Variants in CTIF observed in about 807,000 individuals in gnomAD.
CTIF encodes the protein CBP80/20-dependent translation initiation factor.
CTIF carries 21 observed loss-of-function variants against 66.0 expected under a neutral mutation model. The ratio of observed to expected loss-of-function variants is 0.32; its 90% CI spans 0.23 to 0.46. The LOEUF is 0.46. Ranked by LOEUF, CTIF falls within the 20% of genes least tolerant of loss-of-function variation. The pLI is 1.00. For missense variants in CTIF, 739 were observed against 812.7 expected, an observed-to-expected ratio of 0.91 and a Z score of 1.10; for synonymous variants, 345 against 326.4, an observed-to-expected ratio of 1.06 and a Z score of -0.62.
chr18:48,550,387 C>T (rs2088854119), intron 1 of CTIF, among the ~76,000 whole-genome samples: 1 of 152,224 alleles, frequency 6.6e-6, no homozygotes, highest in East Asian at 1.9e-4. Flanking sequence ...CTGTGGCCTG[C>T]ACATTCTGCA....
intron 1 of CTIF, among the ~76,000 whole-genome samples, chr18:48,551,970 T>A (rs1218021738): frequency 6.6e-6 from 1 of 152,032 alleles, no homozygotes; most frequent in Non-Finnish European, 1.5e-5. Flanking sequence ...GCTAATTATT[T>A]TTTTTGTATT....
chr18:48,675,148 T>C (rs1313969564), intron 6 of CTIF, among the ~76,000 whole-genome samples: 1 of 33,342 alleles, frequency 3.0e-5, no homozygotes, highest in East Asian at 0.083. Flanking sequence ...GTTGAAGCCA[T>C]AGGGCAGGCA....
chr18:48,651,579 T>C (rs1349358236), intron 3 of CTIF, among the ~76,000 whole-genome samples: 4 of 152,148 alleles, frequency 2.6e-5, no homozygotes, highest in Non-Finnish European at 5.9e-5. Flanking sequence ...TTAACAAGGA[T>C]ATCCAGGACT....
chr18:48,774,156 C>T (rs1186774614), intron 9 of CTIF, among the ~76,000 whole-genome samples: 1 of 152,146 alleles, frequency 6.6e-6, no homozygotes, highest in East Asian at 1.9e-4. Flanking sequence ...TACTCTGAGG[C>T]CAATCGGCAT....
chr18:48,757,844 C>T, intron 7 of CTIF, 75 bp from the exon 8 acceptor site: 1 of 1,526,344 alleles, frequency 6.6e-7, no homozygotes, highest in Non-Finnish European at 8.8e-7. Flanking sequence ...ACTTCCTGTT[C>T]TGGCGGCTGG....
intron 7 of CTIF, among the ~76,000 whole-genome samples, chr18:48,747,115 T>A (rs542879951): frequency 6.6e-6 from 1 of 152,236 alleles, no homozygotes; most frequent in South Asian, 2.1e-4. Flanking sequence ...TTGATCAGAT[T>A]TTAGGATTGC....
chr18:48,654,888 A>G lies in CTIF; in HGVS notation c.253-8864A>G, dbSNP rs376343225. Among the ~76,000 whole-genome samples the G allele has an allele frequency of 1.1e-4, 17 of 151,838 alleles. 1 individual carries two copies. In the South Asian group the frequency reaches 3.3e-3, roughly 30 times the overall value. ...CTATCACAAGGACAGAAAACCAAAC[A>G]CCACACGTTCTCACTCATAGGTGGG... is the stretch of plus-strand genomic sequence containing the variant. On this transcript the variant is annotated intron_variant, in intron 3 of 11. Transcript: ENST00000256413.
intron 7 of CTIF, among the ~76,000 whole-genome samples, chr18:48,753,870 T>C (rs1488370675): frequency 1.3e-5 from 2 of 152,196 alleles, no homozygotes; most frequent in African/African-American, 4.8e-5. Context: ...GGCTCATCCC[T>C]GGCCCAGCCA....
intron 9 of CTIF, among the ~76,000 whole-genome samples, chr18:48,799,357 A>G (rs959104240): frequency 2.6e-5 from 4 of 152,192 alleles, no homozygotes; most frequent in African/African-American, 9.7e-5. Flanking sequence ...TAACTTGCCC[A>G]AGGTCAAAAA....
At chr18:48,691,065 G>T (rs1292326907) in intron 6 of CTIF, among the ~76,000 whole-genome samples, 1 of 152,112 alleles carries the variant, frequency 6.6e-6, no homozygotes, top group South Asian at 2.1e-4. Context: ...TCTTCCTTCG[G>T]TATTTTTATA....
chr18:48,757,694 A>G (rs1233278080), intron 7 of CTIF, among the ~76,000 whole-genome samples: 3 of 152,178 alleles, frequency 2.0e-5, no homozygotes, highest in Non-Finnish European at 4.4e-5. Context: ...TTAAGGAAAG[A>G]ATTGGCTTTG....
At chr18:48,649,068 C>T (rs557845287) in intron 3 of CTIF, among the ~76,000 whole-genome samples, 1 of 152,198 alleles carries the variant, frequency 6.6e-6, no homozygotes, top group Non-Finnish European at 1.5e-5. Flanking sequence ...TCTGCATTTC[C>T]AACTGAGGCA....
chr18:48,710,620 CTG>C (rs2145477866), intron 6 of CTIF, among the ~76,000 whole-genome samples: 1 of 152,320 alleles, frequency 6.6e-6, no homozygotes, highest in Non-Finnish European at 1.5e-5. Flanking sequence ...ATAGCTCTGC[CTG>C]TGATCCTGCA....
At chr18:48,735,043 A>G (rs544173697) in intron 7 of CTIF, among the ~76,000 whole-genome samples, 23 of 152,292 alleles carry the variant, frequency 1.5e-4, no homozygotes, top group African/African-American at 5.5e-4. Flanking sequence ...ACAAGTATGT[A>G]TATGCATGTG....
At chr18:48,692,485 A>C (rs1004010379) in intron 6 of CTIF, 1 of 152,178 alleles carries the variant, frequency 6.6e-6, no homozygotes, top group Non-Finnish European at 1.5e-5. Context: ...CTTTGTAAGA[A>C]GTGTTTCCTA....
intron 6 of CTIF, among the ~76,000 whole-genome samples, chr18:48,680,687 G>T (rs901909039): frequency 6.6e-6 from 1 of 152,262 alleles, no homozygotes; most frequent in Admixed American, 6.5e-5. Context: ...CCAATTTGGC[G>T]ATGCCCTTGA....
chr18:48,656,724 G>A (rs1464276762), intron 3 of CTIF, among the ~76,000 whole-genome samples: 1 of 152,206 alleles, frequency 6.6e-6, no homozygotes, highest in African/African-American at 2.4e-5. Flanking sequence ...ATTCAGCAGT[G>A]TTTAAGTGCT....
intron 1 of CTIF, chr18:48,567,388 C>G (rs1449139024): frequency 6.6e-6 from 1 of 152,194 alleles, no homozygotes. Flanking sequence ...CATATTGGAA[C>G]ATGTTTATTA....
At chr18:48,806,396 T>G in intron 9 of CTIF, among the ~76,000 whole-genome samples, 1 of 152,048 alleles carries the variant, frequency 6.6e-6, no homozygotes, top group Non-Finnish European at 1.5e-5. Context: ...TAAATAAAAG[T>G]GCACTTTCTC....
Sources: allele counts gnomAD v4.1 joint callset (sites outside exome capture counted in the v4.1 genomes callset), GRCh38; gene constraint gnomAD v4.1.1; transcripts MANE v1.5; gene names NCBI Gene and HGNC (gene_info 2026-07-23, HGNC 2026-07-21).